Variants in PTPN23 observed in about 807,000 individuals in gnomAD.
PTPN23 encodes the protein tyrosine-protein phosphatase non-receptor type 23.
PTPN23 carries 72 observed loss-of-function variants against 156.3 expected under a neutral mutation model. The ratio of observed to expected loss-of-function variants is 0.46; its 90% CI spans 0.38 to 0.56. The LOEUF (loss-of-function observed/expected upper bound fraction) is 0.56. Among genes scored for constraint, PTPN23 ranks in the 20% least tolerant of loss-of-function variants. The pLI is 0.00. For missense variants in PTPN23, 1,974 were observed against 2,171.5 expected (o/e 0.91, Z 1.81); for synonymous variants, 957 against 899.6 (o/e 1.06, Z -1.14).
Position 47,412,806 on chromosome 3 carries a change from G to A in PTPN23, c.4532G>A (p.Gly1511Glu). The A allele has an allele frequency of 1.9e-6, 3 of 1,613,534 alleles. No individual in the cohort carries two copies. Among genetic ancestry groups the A allele is most frequent in the South Asian group, 1.1e-5 (1 of 91,066 alleles). ...TIAKLSIRPP[G>E]GLESPVASLP... is the part of the protein sequence containing the mutation. ...GCCAAGCTCAGCATTCGGCCTCCTG[G>A]GGGGTTGGAGTCCCCGGTTGCCAGC... Residue 1511 changes from glycine (G) to glutamate (E), a missense_variant, in exon 25 of 25, where the codon GGG becomes GAG. Gly to Glu is a moderately conservative substitution (Grantham distance 98). Coordinates refer to ENST00000265562, the MANE Select transcript of PTPN23 (RefSeq NM_015466.4).
At position 47,411,514 on chromosome 3, in the gene PTPN23, G is replaced by A. The variant is rs1328184457; in HGVS notation, c.3716G>A (p.Gly1239Asp). ...YDSNRVVLRS[G>D]KDDYINASCV... ...AGTAACCGTGTGGTGCTGCGCTCAG[G>A]CAAGGATGACTACATCAATGCCAGC... Residue 1239 changes from glycine to aspartate, a missense_variant, in exon 20 of 25, where the codon GGC becomes GAC. Physicochemically the swap from Gly to Asp is moderately conservative, Grantham distance 94. Coordinates refer to ENST00000265562, the MANE Select transcript of PTPN23 (RefSeq NM_015466.4). This position sits in a 1 kb window ranked among gnomAD's most constrained non-coding sequence, Gnocchi z 6.3. The A allele has an allele frequency of 6.2e-7, 1 of 1,612,904 alleles. No homozygotes were observed.
intron 2 of PTPN23, among the ~76,000 whole-genome samples, chr3:47,399,857 C>T (rs111408198): frequency 6.6e-6 from 1 of 152,178 alleles, no homozygotes; most frequent in South Asian, 2.1e-4. Context: ...CTCACTCTGT[C>T]ACCCAGGCTG....
In PTPN23 at chr3:47,408,342, C is replaced by T. The variant is rs758204200; in HGVS notation, c.1185-3C>T. On this transcript the variant is annotated splice_region_variant and splice_polypyrimidine_tract_variant and intron_variant, in intron 14 of 24. Transcript: ENST00000265562. ...ACCCACCTGGCCCTGTTGCTCCCCACAGCCAGTTCATGGATTCAATGCAGT... is the reference window on the plus strand; with the variant it reads ...ACCCACCTGGCCCTGTTGCTCCCCATAGCCAGTTCATGGATTCAATGCAGT... 6.2e-7 allele frequency: 1 copy of T among 1,613,164 alleles called. No individual in the cohort carries two copies. The highest frequency in any genetic ancestry group is 8.5e-7 in the Non-Finnish European group (1 of 1,179,370).
Position 47,412,150 on chromosome 3 carries a change from A to G in PTPN23, c.4130A>G (p.His1377Arg), listed in dbSNP as rs780030026. The change falls in exon 22 of 25, where the codon CAT (histidine) becomes CGT (arginine). Residue 1377 changes from histidine (H) to arginine (R), a missense_variant. His to Arg is a conservative substitution (Grantham distance 29). This residue lies in a region of PTPN23 where 484 missense variants were observed against 516.0 expected (regional missense o/e 0.94). Transcript: ENST00000265562. ...LLRFIQEVHA[H>R]YLHQRPLHTP... ...CGCTTCATCCAGGAGGTGCACGCAC[A>G]TTACCTGCATCAGCGGCCGCTGCAC... The G allele has an allele frequency of 1.2e-6, 2 of 1,613,188 alleles. No individual in the cohort carries two copies. The highest frequency in any genetic ancestry group is 1.7e-6 in the Non-Finnish European group (2 of 1,180,016).
In PTPN23 at chr3:47,413,282, C is replaced by G; in HGVS notation, c.*97C>G. ...GCTTCTCAGTGGGCACAGTCTCTTA[C>G]TCCCATTTCTGCTGCCTTTGGCCCT... On this transcript the variant is annotated 3_prime_UTR_variant, in exon 25 of 25. Transcript: ENST00000265562. The G allele has an allele frequency of 1.4e-6, 2 of 1,480,880 alleles. No homozygotes were observed. The highest frequency in any genetic ancestry group is 1.8e-6 in the Non-Finnish European group (2 of 1,095,302). The allele number at this position is 1,480,880 out of a possible 1,614,324, so 91.7% of individuals were successfully genotyped here. A position where few individuals can be genotyped will look rare whatever the true frequency, so the allele number is the denominator to read the frequency against.
rs1705127502 is a variant in PTPN23, at chr3:47,406,512, C to T, written c.659C>T (p.Ala220Val). ...GATTACTACAAGGAGGCATGCCGGG[C>T]CTTGGAGAACCCCGACACTGCCTCA... ...VVDYYKEACR[A>V]LENPDTASLL... Residue 220 changes from alanine to valine, a missense_variant, in exon 8 of 25, where the codon GCC becomes GTC. Coordinates refer to ENST00000265562, the MANE Select transcript of PTPN23 (RefSeq NM_015466.4). This position sits in a 1 kb window ranked among gnomAD's most constrained non-coding sequence, Gnocchi z 5.8. 1.2e-6 allele frequency: 2 copies of T among 1,613,992 alleles called. No individual in the cohort carries two copies. Among genetic ancestry groups the T allele is most frequent in the Non-Finnish European group, 1.7e-6 (2 of 1,179,992 alleles).
At chr3:47,393,680 T>G (rs1004918963) in intron 1 of PTPN23, among the ~76,000 whole-genome samples, 3 of 151,774 alleles carry the variant, frequency 2.0e-5, no homozygotes, top group East Asian at 1.9e-4. Flanking sequence ...TGACTTTTCC[T>G]TTTTTTTGCA....
chr3:47,396,041 G>A, intron 1 of PTPN23, 102 bp from the exon 2 acceptor site: 1 of 842,282 alleles, frequency 1.2e-6, no homozygotes, highest in Non-Finnish European at 1.9e-6. Flanking sequence ...TATGGTTGTA[G>A]GTCTGCACTT....
chr3:47,383,346 A>G (rs1704587942), intron 1 of PTPN23, among the ~76,000 whole-genome samples: 1 of 152,280 alleles, frequency 6.6e-6, no homozygotes, highest in South Asian at 2.1e-4. Context: ...CCAACTTTCA[A>G]GGTCTACTTA....
Position 47,406,146 on chromosome 3 carries a change from C to A in PTPN23, c.546+100C>A, listed in dbSNP as rs1705117663. On this transcript the variant is annotated intron_variant, in intron 6 of 24. Transcript: ENST00000265562. This position sits in a 1 kb window ranked among gnomAD's most constrained non-coding sequence, Gnocchi z 5.8. ...GATCCTGGACCAAGGCAGTGAGGGACAAGCAAGGGGCCTTGGCTTTGTTGA... is the reference window on the plus strand; with the variant it reads ...GATCCTGGACCAAGGCAGTGAGGGAAAAGCAAGGGGCCTTGGCTTTGTTGA... 1 of 1,524,582 alleles carries A rather than the reference C, an allele frequency of 6.6e-7. No individual in the cohort carries two copies. The highest frequency in any genetic ancestry group is 8.9e-7 in the Non-Finnish European group (1 of 1,129,442). 94.4% of individuals were successfully genotyped at this position (1,524,582 alleles called of 1,614,324 possible). A position where few individuals can be genotyped will look rare whatever the true frequency, so the allele number is the denominator to read the frequency against.
At chr3:47,404,806 A>G (rs1230073461) in intron 3 of PTPN23, 27 bp downstream of exon 3, 1 of 1,610,008 alleles carries the variant, frequency 6.2e-7, no homozygotes, top group Non-Finnish European at 8.5e-7. Context: ...GGGCTGGAGG[A>G]TCCCACGGGG....
rs1282470257 is a variant in PTPN23 at position 47,407,408 on chromosome 3, A to G, written c.923+41A>G. ...TGGCCCTGGTTCCCTCTTTTTGTGAAGGGTCTTGTCCCTCTGCTGGCATCT... is the reference window on the plus strand; with the variant it reads ...TGGCCCTGGTTCCCTCTTTTTGTGAGGGGTCTTGTCCCTCTGCTGGCATCT... On this transcript the variant is annotated intron_variant, in intron 11 of 24. Transcript: ENST00000265562. The surrounding 1 kb of genome is among the most constrained non-coding windows in gnomAD (Gnocchi z 4.0). 1 of 1,612,138 alleles carries G rather than the reference A, an allele frequency of 6.2e-7. No individual in the cohort carries two copies. The highest frequency in any genetic ancestry group is 1.3e-5 in the African/African-American group (1 of 74,936).
chr3:47,409,198 C>T lies in PTPN23; in HGVS notation c.1678C>T (p.Leu560=). 6.2e-7 allele frequency: 1 copy of T among 1,614,184 alleles called. No homozygotes were observed. The highest frequency in any genetic ancestry group is 8.5e-7 in the Non-Finnish European group (1 of 1,180,020). The stretch of plus-strand genomic sequence containing the variant: ...CGTGCTGCAAAACCTAAAGCGCATC[C>T]TGGCTAAGGTGCAGGAGATGCGGGA... ...KAVLQNLKRI[L]AKVQEMRDQR... is the part of the protein sequence containing the mutation. The change falls in exon 17 of 25, where the codon CTG becomes TTG. Residue 560 remains leucine, a synonymous_variant. Transcript: ENST00000265562.
chr3:47,386,998 G>C (rs1291529210), intron 1 of PTPN23, among the ~76,000 whole-genome samples: 1 of 152,220 alleles, frequency 6.6e-6, no homozygotes, highest in Non-Finnish European at 1.5e-5. Flanking sequence ...AGGACCTTCT[G>C]GGAGAGGTAA....
intron 1 of PTPN23, 145 bp downstream of exon 1, chr3:47,381,325 C>A (rs1040794016): frequency 1.0e-5 from 12 of 1,175,002 alleles, no homozygotes; most frequent in Non-Finnish European, 1.3e-5. Context: ...CGGTTTTCCT[C>A]AGCCTGTCCC....
At chr3:47,390,239 C>A (rs1344130536) in intron 1 of PTPN23, among the ~76,000 whole-genome samples, 1 of 152,098 alleles carries the variant, frequency 6.6e-6, no homozygotes, top group Non-Finnish European at 1.5e-5. Context: ...TTTAAAAAAA[C>A]AAAAAACAAA....
At chr3:47,387,403 CAAAAAA>C (rs34969941) in intron 1 of PTPN23, among the ~76,000 whole-genome samples, 2 of 107,922 alleles carry the variant, frequency 1.9e-5, no homozygotes, top group African/African-American at 3.7e-5. Context: ...CCTGTCTCTA[CAAAAAA>C]AAAAAAAAAA....
chr3:47,395,741 C>A (rs907399878), intron 1 of PTPN23, among the ~76,000 whole-genome samples: 1 of 152,182 alleles, frequency 6.6e-6, no homozygotes, highest in Non-Finnish European at 1.5e-5. Flanking sequence ...GTGCCTCTTG[C>A]CTGCAGTTGC....
At chr3:47,396,243 T>C (rs1366730962) in intron 2 of PTPN23, 26 bp downstream of exon 2, 5 of 1,578,044 alleles carry the variant, frequency 3.2e-6, no homozygotes, top group Admixed American at 1.7e-5. Flanking sequence ...TATCTTTTTA[T>C]GCATGGGTAG....
Sources: gnomAD v4.1 joint callset for allele counts (sites outside exome capture counted in the v4.1 genomes callset) on GRCh38, gnomAD v4.1.1 for gene constraint, gnomAD v4.1.1 regional missense constraint, Gnocchi (gnomAD v3.1) non-coding constraint, MANE v1.5 for transcripts, NCBI Gene and HGNC (gene_info 2026-07-23, HGNC 2026-07-21) for gene names.